COL11A2: variants seen among roughly 807,000 people sequenced by gnomAD.
COL11A2 encodes collagen type XI alpha 2 chain, also known as collagen alpha-2(XI) chain.
A neutral mutation model predicts 273.4 loss-of-function variants in COL11A2; 116 were observed. That is an observed-to-expected ratio of 0.42 (90% CI 0.36 to 0.49). The LOEUF (loss-of-function observed/expected upper bound fraction) is 0.49. Among genes scored for constraint, COL11A2 ranks in the 20% least tolerant of loss-of-function variants. The pLI, the probability that COL11A2 is intolerant of heterozygous loss-of-function variation, is 0.00. For synonymous variants in COL11A2, 782 were observed against 864.2 expected (o/e 0.90, Z 1.67); for missense variants, 1,866 against 2,309.0 (o/e 0.81, Z 3.93).
chr6:33,179,012 C>T lies in COL11A2; in HGVS notation c.1612-39G>A, dbSNP rs1401905098. The T allele has an allele frequency of 1.2e-6, 2 of 1,613,902 alleles. No homozygotes were observed. The highest frequency in any genetic ancestry group is 2.2e-5 in the East Asian group (1 of 44,878). On this transcript the variant is annotated intron_variant, in intron 16 of 65. Coordinates refer to ENST00000341947, the MANE Select transcript of COL11A2 (RefSeq NM_080680.3). The surrounding 1 kb of genome is among the most constrained non-coding windows in gnomAD (Gnocchi z 6.4). ...GGAAGTGTCAGAACAAGCAGGGCCG[C>T]AGTCCCCTACCCTGCAGGCCCTGTC...
rs761869710 is a variant in COL11A2, at chr6:33,163,295, C to T, written c.*383G>A. 4.2e-5 allele frequency: 10 copies of T among 240,750 alleles called. No homozygotes were observed. Among genetic ancestry groups the T allele is most frequent in the Non-Finnish European group, 6.5e-5 (8 of 122,996 alleles). The allele number at this position is 240,750 out of a possible 1,614,324, so 14.9% of individuals were successfully genotyped here. On this transcript the variant is annotated 3_prime_UTR_variant, in exon 66 of 66. Coordinates refer to ENST00000341947, the MANE Select transcript of COL11A2 (RefSeq NM_080680.3). The surrounding 1 kb of genome is among the most constrained non-coding windows in gnomAD (Gnocchi z 4.1). ...TTCAACATCTGCTGATTTTTGTTGG[C>T]GTTTCTCTTTTTTGTTATTTTGCTT...
chr6:33,172,781 TG>T, intron 38 of COL11A2, 144 bp from the exon 39 acceptor site: 1 of 821,860 alleles, frequency 1.2e-6, no homozygotes, highest in Non-Finnish European at 2.0e-6. Context: ...CCGGCATTCC[TG>T]GGCCACTGCT....
rs375861604 is a variant in COL11A2, at chr6:33,185,034, C to A, written c.897G>T (p.Glu299Asp). Residue 299 changes from glutamate (E) to aspartate (D), a missense_variant, in exon 7 of 66, where the codon GAG becomes GAT. By Grantham distance (45) the Glu-to-Asp change is conservative. Transcript: ENST00000341947. ...AGAGGCTCGACTCCAGGATTTCTTC[C>A]TCTTCACCTGGGGTGGGGTCCTGAC... ...PDYQDPTPGEEEEILESSLLP... is the reference protein window; with the variant it reads ...PDYQDPTPGEDEEILESSLLP... 23 of 1,551,264 alleles carry A rather than the reference C, an allele frequency of 1.5e-5. No homozygotes were observed. The highest frequency in any genetic ancestry group is 2.0e-5 in the Non-Finnish European group (23 of 1,146,806).
chr6:33,186,913 A>C, intron 4 of COL11A2, 95 bp from the exon 5 acceptor site: 1 of 1,545,860 alleles, frequency 6.5e-7, no homozygotes, highest in Non-Finnish European at 8.9e-7. Context: ...TCCTAGGTAA[A>C]ACCCTAAGAT....
In COL11A2 at chr6:33,179,551, C is replaced by A; in HGVS notation, c.1447-64G>T. The A allele has an allele frequency of 6.7e-7, 1 of 1,487,976 alleles. No homozygotes were observed. The highest frequency in any genetic ancestry group is 1.2e-5 in the South Asian group (1 of 82,990). 92.2% of individuals were successfully genotyped at this position (1,487,976 alleles called of 1,614,324 possible). A position where few individuals can be genotyped will look rare whatever the true frequency, so the allele number is the denominator to read the frequency against. ...AGTGGGAACCCCCAGCCCCAGCACT[C>A]TCCAAATTCACCCTTCCTCTCCTGA... On this transcript the variant is annotated intron_variant, in intron 13 of 65. Coordinates refer to ENST00000341947, the MANE Select transcript of COL11A2 (RefSeq NM_080680.3). The surrounding 1 kb of genome is among the most constrained non-coding windows in gnomAD (Gnocchi z 6.4).
Position 33,171,560 on chromosome 6 carries a change from G to A in COL11A2, c.3165C>T (p.Pro1055=). ...CTCCATCTCGGCCAGTCGGGCCAAT[G>A]GGGCCCTTCTCACCCTGTGGGACAG... is the stretch of plus-strand genomic sequence containing the variant. The part of the protein sequence containing the change: ...GEKGVPGEKG[P]IGPTGRDGVQ... Residue 1055 remains proline, a synonymous_variant, in exon 43 of 66, where the codon CCC becomes CCT. Coordinates refer to ENST00000341947, the MANE Select transcript of COL11A2 (RefSeq NM_080680.3). The A allele has an allele frequency of 6.2e-7, 1 of 1,613,806 alleles. No homozygotes were observed. The highest frequency in any genetic ancestry group is 8.5e-7 in the Non-Finnish European group (1 of 1,179,852).
At chr6:33,183,881 G>A (rs1418086551) in intron 8 of COL11A2, among the ~76,000 whole-genome samples, 7 of 152,074 alleles carry the variant, frequency 4.6e-5, no homozygotes, top group African/African-American at 9.7e-5. Context: ...AGAAAGACAG[G>A]AAGTGGCTAC....
intron 39 of COL11A2, 71 bp from the exon 40 acceptor site, chr6:33,172,449 C>G (rs746262532): frequency 5.1e-6 from 8 of 1,561,288 alleles, no homozygotes; most frequent in African/African-American, 2.7e-5. Flanking sequence ...CCAGCCCCCC[C>G]TCAAATCTCC....
At chr6:33,186,223 C>T (rs1002986278) in intron 5 of COL11A2, among the ~76,000 whole-genome samples, 3 of 151,776 alleles carry the variant, frequency 2.0e-5, no homozygotes, top group Non-Finnish European at 2.9e-5. Flanking sequence ...CTTTGATATT[C>T]CCTCCATCCC....
rs1399900650 is a variant in COL11A2 at position 33,189,821 on chromosome 6, C to T, written c.83-352G>A. Reference sequence around the variant, plus strand: ...ATCTGTCTCCTGTCTCTCTCACTCTCTTACTCTCTCTGTCTCTTTATGTTG... The same window carrying T: ...ATCTGTCTCCTGTCTCTCTCACTCTTTTACTCTCTCTGTCTCTTTATGTTG... On this transcript the variant is annotated intron_variant, in intron 1 of 65. Transcript: ENST00000341947. The surrounding 1 kb of genome is among the most constrained non-coding windows in gnomAD (Gnocchi z 5.6). Among the ~76,000 whole-genome samples the T allele has an allele frequency of 6.6e-6, 1 of 152,178 alleles. No individual in the cohort carries two copies. The highest frequency in any genetic ancestry group is 2.4e-5 in the African/African-American group (1 of 41,448).
chr6:33,176,830 A>C lies in COL11A2; in HGVS notation c.2071-65T>G. The stretch of plus-strand genomic sequence containing the variant: ...TCACCCTCTCTGCACCCCTCCCTAC[A>C]CTTCTTCCAACCCAAATTTCCTGTG... On this transcript the variant is annotated intron_variant, in intron 25 of 65. Coordinates refer to ENST00000341947, the MANE Select transcript of COL11A2 (RefSeq NM_080680.3). This position sits in a 1 kb window ranked among gnomAD's most constrained non-coding sequence, Gnocchi z 4.9. 3 of 1,569,122 alleles carry C rather than the reference A, an allele frequency of 1.9e-6. No individual in the cohort carries two copies. The highest frequency in any genetic ancestry group is 2.6e-6 in the Non-Finnish European group (3 of 1,150,804).
At chr6:33,180,894 G>A (rs541810051) in intron 10 of COL11A2, 70 bp downstream of exon 10, 27 of 1,592,158 alleles carry the variant, frequency 1.7e-5, no homozygotes, top group Non-Finnish European at 2.1e-5. Context: ...CATATGTGGG[G>A]AAGGCTCAGA....
In COL11A2 at chr6:33,166,324, C is replaced by T. The variant is rs1583289322; in HGVS notation, c.4393-118G>A. 2.2e-6 allele frequency: 3 copies of T among 1,387,426 alleles called. No homozygotes were observed. The highest frequency in any genetic ancestry group is 3.0e-6 in the Non-Finnish European group (3 of 1,016,450). 85.9% of individuals were successfully genotyped at this position (1,387,426 alleles called of 1,614,324 possible). On this transcript the variant is annotated intron_variant, in intron 60 of 65. Transcript: ENST00000341947. The surrounding 1 kb of genome is among the most constrained non-coding windows in gnomAD (Gnocchi z 4.8). ...CTCGGGTTACTACAGGAGGGGCAGT[C>T]TTGTGGGAATACTAGGACATTCAGA... is the stretch of plus-strand genomic sequence containing the variant.
chr6:33,177,508 T>C lies in COL11A2; in HGVS notation c.1918-43A>G, dbSNP rs772659586. On this transcript the variant is annotated intron_variant, in intron 22 of 65. Coordinates refer to ENST00000341947, the MANE Select transcript of COL11A2 (RefSeq NM_080680.3). This position sits in a 1 kb window ranked among gnomAD's most constrained non-coding sequence, Gnocchi z 5.9. Reference sequence around the variant, plus strand: ...GGCACAGGTCAGAAGGAGATGGAGATAGAACACATTTAGAGCATGGAGCTG... The same window carrying C: ...GGCACAGGTCAGAAGGAGATGGAGACAGAACACATTTAGAGCATGGAGCTG... 2.5e-6 allele frequency: 4 copies of C among 1,606,672 alleles called. No individual in the cohort carries two copies. Among genetic ancestry groups the C allele is most frequent in the Non-Finnish European group, 2.6e-6 (3 of 1,175,010 alleles).
In COL11A2 at chr6:33,177,346, C is replaced by G. The variant is rs534413262; in HGVS notation, c.1971+66G>C. Reference sequence around the variant, plus strand: ...TTAATTTCCTGTATCCTTCCAGGGTCTCACCCATTGTGGAAGCCCAAGGGA... The same window carrying G: ...TTAATTTCCTGTATCCTTCCAGGGTGTCACCCATTGTGGAAGCCCAAGGGA... On this transcript the variant is annotated intron_variant, in intron 23 of 65. Transcript: ENST00000341947. The surrounding 1 kb of genome is among the most constrained non-coding windows in gnomAD (Gnocchi z 5.9). The G allele has an allele frequency of 1.4e-3, 2,285 of 1,601,886 alleles. 12 individuals are homozygous for G. The highest frequency in any genetic ancestry group is 2.5e-3 in the South Asian group (224 of 90,854).
chr6:33,178,076 G>A lies in COL11A2; in HGVS notation c.1872+56C>T, dbSNP rs1771171227. The A allele has an allele frequency of 6.5e-7, 1 of 1,535,976 alleles. No individual in the cohort carries two copies. The highest frequency in any genetic ancestry group is 1.8e-5 in the Admixed American group (1 of 56,338). On this transcript the variant is annotated intron_variant, in intron 21 of 65. Coordinates refer to ENST00000341947, the MANE Select transcript of COL11A2 (RefSeq NM_080680.3). This position sits in a 1 kb window ranked among gnomAD's most constrained non-coding sequence, Gnocchi z 4.6. ...GAGCAGGAAGGCAGCTAGAAAGGTG[G>A]AGAGTTGGAGAGGTCAAGGGGTCAC...
At position 33,189,110 on chromosome 6, in the gene COL11A2, T is replaced by C. The variant is rs772279724; in HGVS notation, c.311A>G (p.Tyr104Cys). The C allele has an allele frequency of 3.7e-6, 6 of 1,613,980 alleles. No individual in the cohort carries two copies. The highest frequency in any genetic ancestry group is 3.3e-5 in the South Asian group (3 of 91,070). Reference sequence around the variant, plus strand: ...CAGCTGTCGGACACCCTGGGCACTGTAGAGAGTCAGGAGGGGAGCTTGGAG... The same window carrying C: ...CAGCTGTCGGACACCCTGGGCACTGCAGAGAGTCAGGAGGGGAGCTTGGAG... The part of the protein sequence containing the change: ...PGLQAPLLTL[Y>C]SAQGVRQLGL... Residue 104 changes from tyrosine (Y) to cysteine (C), a missense_variant, in exon 3 of 66, where the codon TAC (tyrosine) becomes TGC (cysteine). Coordinates refer to ENST00000341947, the MANE Select transcript of COL11A2 (RefSeq NM_080680.3). The surrounding 1 kb of genome is among the most constrained non-coding windows in gnomAD (Gnocchi z 5.6).
intron 30 of COL11A2, among the ~76,000 whole-genome samples, chr6:33,175,269 ACT>A (rs1014478270): frequency 4.0e-5 from 6 of 151,616 alleles, no homozygotes; most frequent in African/African-American, 1.5e-4. Context: ...CTGCTATTAG[ACT>A]CTCTCATCTC....
In COL11A2 at chr6:33,171,185, G is replaced by T. The variant is rs777961367; in HGVS notation, c.3313-18C>A. The stretch of plus-strand genomic sequence containing the variant: ...GGAGGGCCCTGGGTAAGAGAAGAGA[G>T]TCAGAGACACCAAAACAGGGAGAGA... On this transcript the variant is annotated intron_variant, in intron 44 of 65. Transcript: ENST00000341947. 8 of 1,609,392 alleles carry T rather than the reference G, an allele frequency of 5.0e-6. No individual in the cohort carries two copies. The highest frequency in any genetic ancestry group is 6.8e-6 in the Non-Finnish European group (8 of 1,178,464).
Sources: allele counts gnomAD v4.1 joint callset (sites outside exome capture counted in the v4.1 genomes callset), GRCh38; gene constraint gnomAD v4.1.1; non-coding constraint Gnocchi (gnomAD v3.1); transcripts MANE v1.5; gene names NCBI Gene and HGNC (gene_info 2026-07-23, HGNC 2026-07-21).